Variants in PDPR observed in about 807,000 individuals in gnomAD.
The protein encoded by PDPR is pyruvate dehydrogenase phosphatase regulatory subunit, mitochondrial.
Under a neutral mutation model 102.2 loss-of-function variants are expected in PDPR, and 50 were observed. That is an observed-to-expected ratio of 0.49 (90% CI 0.39 to 0.62). PDPR has a LOEUF of 0.62. Ranked by LOEUF, PDPR falls within the 20% of genes least tolerant of loss-of-function variation. The probability of loss-of-function intolerance (pLI) is 0.00; values close to 1 mark genes in which losing one functional copy is unlikely to be tolerated. For missense variants in PDPR, 625 were observed against 1,098.2 expected (o/e 0.57, Z 6.09); for synonymous variants, 259 against 406.0 (o/e 0.64, Z 4.35).
intron 9 of PDPR, among the ~76,000 whole-genome samples, chr16:70,134,544 G>C (rs1964897911): frequency 6.8e-6 from 1 of 147,936 alleles, no homozygotes; most frequent in African/African-American, 2.5e-5. Context: ...TGTAATCCCA[G>C]CACTTTGGGA....
intron 14 of PDPR, among the ~76,000 whole-genome samples, chr16:70,144,038 C>T (rs1966008582): frequency 6.6e-6 from 1 of 152,184 alleles, no homozygotes; most frequent in South Asian, 2.1e-4. Flanking sequence ...ACCACAGGTA[C>T]ACGCCACCAC....
intron 2 of PDPR, among the ~76,000 whole-genome samples, chr16:70,115,497 G>T (rs1176667804): frequency 6.6e-6 from 1 of 152,216 alleles, no homozygotes; most frequent in Non-Finnish European, 1.5e-5. Flanking sequence ...GGAGTGGCAG[G>T]ATCAGAATCT....
intron 17 of PDPR, among the ~76,000 whole-genome samples, chr16:70,151,963 A>G (rs1302041469): frequency 6.6e-6 from 1 of 152,292 alleles, no homozygotes; most frequent in African/African-American, 2.4e-5. Flanking sequence ...TTTTCCCAGC[A>G]TTAGTCACGT....
At chr16:70,145,540 C>T (rs539937501) in intron 15 of PDPR, among the ~76,000 whole-genome samples, 1 of 152,370 alleles carries the variant, frequency 6.6e-6, no homozygotes, top group East Asian at 1.9e-4. Context: ...GATCTTGCCC[C>T]TTGGCCCCAC....
At chr16:70,125,758 T>C (rs574711483) in intron 3 of PDPR, among the ~76,000 whole-genome samples, 1 of 152,266 alleles carries the variant, frequency 6.6e-6, no homozygotes, top group Non-Finnish European at 1.5e-5. Flanking sequence ...CTCAGCCTTC[T>C]GAATAGCTGG....
At position 70,157,351 on chromosome 16, in the gene PDPR, G is replaced by T. The variant is rs970216437; in HGVS notation, c.*472G>T. On this transcript the variant is annotated 3_prime_UTR_variant, in exon 19 of 19. Transcript: ENST00000288050. ...CGGATGCAGCCCTGAGGGGCAGCTC[G>T]TGCCTGCAGCCCGGCAGCTCGTTCT... 2.7e-6 allele frequency: 1 copy of T among 376,482 alleles called. No individual in the cohort carries two copies. The highest frequency in any genetic ancestry group is 5.2e-6 in the Non-Finnish European group (1 of 191,812). 23.3% of individuals were successfully genotyped at this position (376,482 alleles called of 1,614,324 possible). A position where few individuals can be genotyped will look rare whatever the true frequency, so the allele number is the denominator to read the frequency against.
At chr16:70,138,332 C>T (rs578100843) in intron 10 of PDPR, among the ~76,000 whole-genome samples, 2,219 of 150,432 alleles carry the variant, frequency 0.015, no homozygotes, top group African/African-American at 0.052. Context: ...AATTCTCCTT[C>T]CTCAGCCTCC....
At chr16:70,114,515 C>T (rs939245019) in intron 1 of PDPR, 75 bp downstream of exon 1, 2 of 152,198 alleles carry the variant, frequency 1.3e-5, no homozygotes, top group African/African-American at 4.8e-5. Context: ...CCCTGGGTTC[C>T]CCTCTTTCTC....
chr16:70,127,112 C>T (rs1257210431), intron 3 of PDPR, 148 bp from the exon 4 acceptor site: 15 of 1,485,762 alleles, frequency 1.0e-5, no homozygotes, highest in Non-Finnish European at 1.3e-5. Flanking sequence ...ACCTTGGCCT[C>T]CTAAAGTGCT....
In PDPR at chr16:70,161,723, C is replaced by A; in HGVS notation, c.*4844C>A. On this transcript the variant is annotated 3_prime_UTR_variant, in exon 19 of 19. Transcript: ENST00000288050. ...ACTGAGTATTTTTGTATGCCTTTGC[C>A]TTCCCTTTGTCCATGAAACATGAAG... The A allele has an allele frequency of 6.5e-6, 1 of 152,804 alleles. No individual in the cohort carries two copies. 9.5% of individuals were successfully genotyped at this position (152,804 alleles called of 1,614,324 possible).
intron 3 of PDPR, among the ~76,000 whole-genome samples, chr16:70,126,878 CCTGTTG>C (rs1185497332): frequency 6.6e-6 from 1 of 152,140 alleles, no homozygotes; most frequent in Non-Finnish European, 1.5e-5. Context: ...TTTTTCTCAC[CCTGTTG>C]CCCAAGCTGG....
rs71151175 is a variant in PDPR at position 70,150,531 on chromosome 16, A to ATTTTTTTTTTTTTT, written c.2052+1979_2052+1992dup. ...ACTTGTAGTGATAGGTTTTCTCTTA[A>ATTTTTTTTTTTTTT]TTTTTTTTTTTTTTGTGAGACAGGG... On this transcript the variant is annotated intron_variant, in intron 17 of 18. Transcript: ENST00000288050. Among the ~76,000 whole-genome samples the ATTTTTTTTTTTTTT allele has an allele frequency of 3.1e-4, 43 of 138,278 alleles. 1 individual carries two copies. Among genetic ancestry groups the ATTTTTTTTTTTTTT allele is most frequent in the African/African-American group, 6.8e-4 (25 of 36,834 alleles). The allele number at this position is 138,278 out of a possible 152,430, so 90.7% of individuals were successfully genotyped here.
chr16:70,145,114 A>G (rs1222561529), intron 15 of PDPR, among the ~76,000 whole-genome samples: 5 of 151,768 alleles, frequency 3.3e-5, no homozygotes, highest in Non-Finnish European at 7.4e-5. Context: ...TTAGCTGGAC[A>G]TGGTGGTGCA....
intron 15 of PDPR, among the ~76,000 whole-genome samples, chr16:70,144,954 A>AG (rs1966099911): frequency 6.6e-6 from 1 of 151,296 alleles, no homozygotes; most frequent in Non-Finnish European, 1.5e-5. Context: ...TCCATCTCAA[A>AG]AAAAAAAAGA....
rs896854381 is a variant in PDPR at position 70,160,040 on chromosome 16, G to T, written c.*3161G>T. ...ATAGCATTTTGTGCTCACCACGAAG[G>T]ATGGTCTCTGCCTTCTCTTGTCGGT... On this transcript the variant is annotated 3_prime_UTR_variant, in exon 19 of 19. Transcript: ENST00000288050. 1 of 152,830 alleles carries T rather than the reference G, an allele frequency of 6.5e-6. No individual in the cohort carries two copies. Among genetic ancestry groups the T allele is most frequent in the Non-Finnish European group, 1.5e-5 (1 of 68,448 alleles). 9.5% of individuals were successfully genotyped at this position (152,830 alleles called of 1,614,324 possible). A position where few individuals can be genotyped will look rare whatever the true frequency, so the allele number is the denominator to read the frequency against.
upstream of PDPR, chr16:70,113,767 G>C (rs1962358464): frequency 6.9e-6 from 1 of 145,754 alleles, no homozygotes; most frequent in Non-Finnish European, 1.5e-5. Context: ...ATAGGGCCGG[G>C]AACTCAGGTC....
chr16:70,150,091 C>CTTTTTTTTTTT (rs59657802), intron 17 of PDPR, among the ~76,000 whole-genome samples: 1 of 136,330 alleles, frequency 7.3e-6, no homozygotes, highest in African/African-American at 2.8e-5. Flanking sequence ...ACCCGGCCGG[C>CTTTTTTTTTTT]TTTTTTTTTT....
chr16:70,117,253 G>A (rs865787327), intron 2 of PDPR, among the ~76,000 whole-genome samples: 2 of 103,698 alleles, frequency 1.9e-5, no homozygotes, highest in East Asian at 2.6e-4. Flanking sequence ...AGTGGCTCAT[G>A]CCTGTAATCC....
intron 2 of PDPR, among the ~76,000 whole-genome samples, 193 bp downstream of exon 2, chr16:70,115,123 C>CT (rs995476732): frequency 5.9e-5 from 9 of 151,264 alleles, no homozygotes; most frequent in East Asian, 1.9e-4. Context: ...TTTCTTTTTT[C>CT]TTTTTTTTTC....
Sources: allele counts gnomAD v4.1 joint callset (sites outside exome capture counted in the v4.1 genomes callset), GRCh38; gene constraint gnomAD v4.1.1; transcripts MANE v1.5; gene names NCBI Gene and HGNC (gene_info 2026-07-23, HGNC 2026-07-21).